RAP1GDS1: variants seen among roughly 807,000 people sequenced by gnomAD.
The protein encoded by RAP1GDS1 is RAP1, GTP-GDP dissociation stimulator 1.
In RAP1GDS1, 35 loss-of-function variants were observed where a neutral mutation model predicts 71.1. The observed-to-expected ratio is 0.49, with a 90% CI of 0.38 to 0.65. The LOEUF (loss-of-function observed/expected upper bound fraction) is 0.65, where lower values mean the gene tolerates loss of function less well. Among genes scored for constraint, RAP1GDS1 ranks in the 30% least tolerant of loss-of-function variants. The pLI is 0.00. For missense variants in RAP1GDS1, 663 were observed against 706.1 expected, an observed-to-expected ratio of 0.94 and a Z score of 0.69; for synonymous variants, 229 against 243.1, an observed-to-expected ratio of 0.94 and a Z score of 0.54.
intron 1 of RAP1GDS1, among the ~76,000 whole-genome samples, chr4:98,292,795 G>A (rs1727166449): frequency 6.6e-6 from 1 of 152,078 alleles, no homozygotes; most frequent in Admixed American, 6.6e-5. Flanking sequence ...ACTTTTAATA[G>A]TGTAAAGAGG....
intron 12 of RAP1GDS1, among the ~76,000 whole-genome samples, chr4:98,427,255 A>G (rs915263914): frequency 3.9e-5 from 6 of 152,206 alleles, no homozygotes; most frequent in Non-Finnish European, 8.8e-5. Context: ...CTCATATCCA[A>G]CATAATACTG....
chr4:98,417,018 TTG>T, intron 8 of RAP1GDS1, 130 bp downstream of exon 8: 1 of 1,082,920 alleles, frequency 9.2e-7, no homozygotes, highest in African/African-American at 1.6e-5. Context: ...GGTGATGATT[TTG>T]ACATCTTAAA....
intron 1 of RAP1GDS1, among the ~76,000 whole-genome samples, chr4:98,280,343 G>A (rs111774315): frequency 0.15 from 22,426 of 152,052 alleles, 2,461 homozygotes; most frequent in African/African-American, 0.31. Flanking sequence ...ATTGATTTGC[G>A]TTTCTCTGAT....
At chr4:98,263,564 A>G (rs1578231756) in intron 1 of RAP1GDS1, among the ~76,000 whole-genome samples, 2 of 152,230 alleles carry the variant, frequency 1.3e-5, no homozygotes, top group Non-Finnish European at 2.9e-5. Flanking sequence ...GAAGCTTTTT[A>G]GCACTTACGT....
chr4:98,387,606 A>G, intron 5 of RAP1GDS1: 1 of 376,566 alleles, frequency 2.7e-6, no homozygotes, highest in Non-Finnish European at 5.6e-6. Flanking sequence ...CTTCCTCCCC[A>G]TAGATCATGT....
At chr4:98,422,824 C>A (rs964650042) in intron 12 of RAP1GDS1, among the ~76,000 whole-genome samples, 1 of 152,114 alleles carries the variant, frequency 6.6e-6, no homozygotes, top group African/African-American at 2.4e-5. Context: ...TTAACTAGGA[C>A]CTTCCTATTA....
chr4:98,389,940 T>C lies in RAP1GDS1; in HGVS notation c.509-2012T>C, dbSNP rs141304306. Among the ~76,000 whole-genome samples, 99 of 152,304 alleles carry C rather than the reference T, an allele frequency of 6.5e-4. 1 individual carries two copies. In the East Asian group the frequency reaches 0.016, roughly 25 times the overall value. ...CCAACAGAACTGAGGGGGTGTGTGA[T>C]GCTTACATATATGCAGACATATAGT... On this transcript the variant is annotated intron_variant, in intron 5 of 14. Coordinates refer to ENST00000408927, the MANE Select transcript of RAP1GDS1 (RefSeq NM_001100427.2).
chr4:98,438,912 T>C (rs1751532417), intron 14 of RAP1GDS1, among the ~76,000 whole-genome samples: 1 of 152,138 alleles, frequency 6.6e-6, no homozygotes, highest in South Asian at 2.1e-4. Flanking sequence ...CTCACGTATA[T>C]CATTCTTAAA....
chr4:98,419,192 A>G (rs1748451750), intron 10 of RAP1GDS1, among the ~76,000 whole-genome samples: 2 of 151,294 alleles, frequency 1.3e-5, no homozygotes, highest in African/African-American at 4.9e-5. Flanking sequence ...AGGAACAGGG[A>G]CTACAGGCAT....
intron 2 of RAP1GDS1, among the ~76,000 whole-genome samples, chr4:98,311,837 C>G (rs1730270720): frequency 6.6e-6 from 1 of 152,202 alleles, no homozygotes; most frequent in Non-Finnish European, 1.5e-5. Context: ...TGGGGTCTCA[C>G]TATGTTGTCC....
intron 2 of RAP1GDS1, among the ~76,000 whole-genome samples, chr4:98,294,838 G>A (rs967194829): frequency 1.3e-5 from 2 of 152,062 alleles, no homozygotes; most frequent in Admixed American, 6.6e-5. Context: ...ACATGTGCCT[G>A]TATAGGCAGC....
intron 1 of RAP1GDS1, among the ~76,000 whole-genome samples, chr4:98,291,216 T>C (rs1234248215): frequency 6.6e-6 from 1 of 152,152 alleles, no homozygotes; most frequent in Non-Finnish European, 1.5e-5. Context: ...ACTCAGAATT[T>C]TAATGACCAA....
At position 98,261,457 on chromosome 4, in the gene RAP1GDS1, C is replaced by G; in HGVS notation, c.-109C>G. 8.5e-7 allele frequency: 1 copy of G among 1,180,910 alleles called. No homozygotes were observed. The highest frequency in any genetic ancestry group is 1.1e-6 in the Non-Finnish European group (1 of 881,502). 73.2% of individuals were successfully genotyped at this position (1,180,910 alleles called of 1,614,324 possible). ...TCCCCGGCGGCCGCCCCCCGCGGGT[C>G]CCTCCCTGGCTGCGGGAGAGACGGA... On this transcript the variant is annotated 5_prime_UTR_variant, in exon 1 of 15. Transcript: ENST00000408927.
chr4:98,278,869 A>G (rs1724617739), intron 1 of RAP1GDS1, among the ~76,000 whole-genome samples: 1 of 152,184 alleles, frequency 6.6e-6, no homozygotes, highest in Non-Finnish European at 1.5e-5. Flanking sequence ...GCCTTGCAGC[A>G]TTAAATAAAT....
At chr4:98,291,459 A>T (rs767419096) in intron 1 of RAP1GDS1, among the ~76,000 whole-genome samples, 2 of 152,170 alleles carry the variant, frequency 1.3e-5, no homozygotes, top group Admixed American at 1.3e-4. Flanking sequence ...CTGGAATTAC[A>T]CAAAAAGTAA....
chr4:98,372,464 G>C (rs995544892), intron 4 of RAP1GDS1, among the ~76,000 whole-genome samples: 6 of 152,110 alleles, frequency 3.9e-5, no homozygotes, highest in Admixed American at 6.6e-5. Context: ...CTCGTGCCCA[G>C]CCCATTACTG....
chr4:98,429,870 A>T (rs769624104), intron 12 of RAP1GDS1, among the ~76,000 whole-genome samples: 1 of 151,738 alleles, frequency 6.6e-6, no homozygotes, highest in Non-Finnish European at 1.5e-5. Context: ...GCTCGTGGAA[A>T]CCTTGATTAA....
At chr4:98,419,878 T>C in intron 10 of RAP1GDS1, 141 bp from the exon 11 acceptor site, 1 of 902,656 alleles carries the variant, frequency 1.1e-6, no homozygotes, top group Non-Finnish European at 1.6e-6. Flanking sequence ...TTCTTAAAAT[T>C]GACAAAAAAG....
intron 2 of RAP1GDS1, among the ~76,000 whole-genome samples, chr4:98,319,728 C>A (rs1186551167): frequency 2.7e-5 from 4 of 148,124 alleles, no homozygotes; most frequent in Non-Finnish European, 5.9e-5. Context: ...TTTCAGTGAG[C>A]CAAAATCATG....
Sources: allele counts gnomAD v4.1 joint callset (sites outside exome capture counted in the v4.1 genomes callset), GRCh38; gene constraint gnomAD v4.1.1; transcripts MANE v1.5; gene names NCBI Gene and HGNC (gene_info 2026-07-23, HGNC 2026-07-21).